The following BMPR2 variants were observed in gnomAD, a reference collection of about 807,000 sequenced individuals.
BMPR2 encodes bone morphogenetic protein receptor type 2.
Under a neutral mutation model 100.8 loss-of-function variants are expected in BMPR2, and 29 were observed. The ratio of observed to expected loss-of-function variants is 0.29; its 90% CI spans 0.21 to 0.39. The LOEUF (loss-of-function observed/expected upper bound fraction) is 0.39, where lower values mean the gene tolerates loss of function less well. BMPR2 is among the 10% of genes least tolerant of loss of function. BMPR2 has a pLI of 1.00. For synonymous variants in BMPR2, 382 were observed against 442.3 expected, an observed-to-expected ratio of 0.86 and a Z score of 1.71; for missense variants, 1,011 against 1,274.5, an observed-to-expected ratio of 0.79 and a Z score of 3.15.
At chr2:202,471,465 A>G (rs1692436145) in intron 3 of BMPR2, among the ~76,000 whole-genome samples, 1 of 152,190 alleles carries the variant, frequency 6.6e-6, no homozygotes, top group Non-Finnish European at 1.5e-5. Flanking sequence ...ATAAAAGTTA[A>G]CATTATTAAA....
At position 202,449,007 on chromosome 2, in the gene BMPR2, T is replaced by G. The variant is rs553776353; in HGVS notation, c.77-15802T>G. Among the ~76,000 whole-genome samples, 3 of 150,814 alleles carry G rather than the reference T, an allele frequency of 2.0e-5. No homozygotes were observed. The South Asian group carries it at 6.3e-4, about 32-fold the overall frequency. ...TTTTGCTTGTCTTTCTCTTTAGGTG[T>G]ACAGAAAAGAGTTAAAATAGCAGGC... On this transcript the variant is annotated intron_variant, in intron 1 of 12. Transcript: ENST00000374580.
At chr2:202,499,111 G>A (rs1297258914) in intron 3 of BMPR2, among the ~76,000 whole-genome samples, 5 of 152,076 alleles carry the variant, frequency 3.3e-5, no homozygotes, top group African/African-American at 9.7e-5. Flanking sequence ...TAGGGGGAGG[G>A]GAATTTGGCC....
Position 202,566,885 on chromosome 2 carries a change from T to C in BMPR2, c.*6939T>C, listed in dbSNP as rs1429034717. The C allele has an allele frequency of 2.0e-5, 3 of 152,210 alleles. No homozygotes were observed. Among genetic ancestry groups the C allele is most frequent in the Non-Finnish European group, 4.4e-5 (3 of 68,028 alleles). 9.4% of individuals were successfully genotyped at this position (152,210 alleles called of 1,614,324 possible). A position where few individuals can be genotyped will look rare whatever the true frequency, so the allele number is the denominator to read the frequency against. On this transcript the variant is annotated 3_prime_UTR_variant, in exon 13 of 13. Coordinates refer to ENST00000374580, the MANE Select transcript of BMPR2 (RefSeq NM_001204.7). ...CTCTTGTCTCAGGCTCTTCACCTTG[T>C]TACCAATCCTCGTAAGTATGTAAAG...
At chr2:202,464,427 C>G (rs904108995) in intron 1 of BMPR2, among the ~76,000 whole-genome samples, 1 of 152,086 alleles carries the variant, frequency 6.6e-6, no homozygotes, top group Admixed American at 6.6e-5. Context: ...AAAGTAAGTA[C>G]TATGCAATTT....
At chr2:202,453,305 C>T (rs1369934420) in intron 1 of BMPR2, among the ~76,000 whole-genome samples, 1 of 150,832 alleles carries the variant, frequency 6.6e-6, no homozygotes, top group African/African-American at 2.4e-5. Flanking sequence ...TTTAGTAATA[C>T]TAAGTATATA....
At chr2:202,401,949 T>G (rs1690775620) in intron 1 of BMPR2, among the ~76,000 whole-genome samples, 1 of 152,208 alleles carries the variant, frequency 6.6e-6, no homozygotes, top group Non-Finnish European at 1.5e-5. Context: ...GGCTCAAAAG[T>G]GCTTTTTGTA....
chr2:202,545,625 A>C (rs79189995), intron 10 of BMPR2, among the ~76,000 whole-genome samples: 1 of 152,204 alleles, frequency 6.6e-6, no homozygotes, highest in Admixed American at 6.5e-5. Context: ...TGTCAGAGAC[A>C]GGGTAGAGAC....
chr2:202,476,739 A>T lies in BMPR2; in HGVS notation c.418+9050A>T, dbSNP rs561059409. 9.1e-4 allele frequency among the ~76,000 whole-genome samples: 138 copies of T among 152,282 alleles called. 1 individual carries two copies. The highest frequency in any genetic ancestry group is 3.1e-3 in the African/African-American group (130 of 41,572). On this transcript the variant is annotated intron_variant, in intron 3 of 12. Transcript: ENST00000374580. ...GGGAGGCGGAAGTTGCAGTGAGCTG[A>T]GATTGCGCCATTGCACTCCAGCCTG...
chr2:202,505,937 G>C (rs1687512055), intron 3 of BMPR2, among the ~76,000 whole-genome samples: 1 of 152,158 alleles, frequency 6.6e-6, no homozygotes, highest in African/African-American at 2.4e-5. Flanking sequence ...GCTAATATTT[G>C]ATGTAATGCC....
At chr2:202,524,330 C>G (rs890962603) in intron 7 of BMPR2, among the ~76,000 whole-genome samples, 10 of 151,084 alleles carry the variant, frequency 6.6e-5, no homozygotes, top group Non-Finnish European at 8.8e-5. Flanking sequence ...CCACTGCACT[C>G]CAGCCTGGGC....
intron 3 of BMPR2, among the ~76,000 whole-genome samples, chr2:202,510,982 G>GTTTTTT (rs370738313): frequency 1.1e-4 from 15 of 131,996 alleles, no homozygotes; most frequent in Non-Finnish European, 8.2e-5. Context: ...CCTGGCTTTA[G>GTTTTTT]TTTTTTTTTT....
At chr2:202,477,603 T>C (rs1409375954) in intron 3 of BMPR2, among the ~76,000 whole-genome samples, 2 of 152,024 alleles carry the variant, frequency 1.3e-5, no homozygotes, top group African/African-American at 4.8e-5. Flanking sequence ...GCCTGGCCAA[T>C]ATGATGAAAC....
At chr2:202,492,232 C>A (rs1692916467) in intron 3 of BMPR2, among the ~76,000 whole-genome samples, 1 of 151,772 alleles carries the variant, frequency 6.6e-6, no homozygotes, top group Non-Finnish European at 1.5e-5. Context: ...CTTTTGGGAC[C>A]CTTGGTGTTG....
At chr2:202,453,361 CCT>C (rs1434376863) in intron 1 of BMPR2, among the ~76,000 whole-genome samples, 1 of 151,986 alleles carries the variant, frequency 6.6e-6, no homozygotes, top group Non-Finnish European at 1.5e-5. Context: ...TTTGCACTCC[CCT>C]GTTTACTTCA....
chr2:202,555,992 A>C lies in BMPR2; in HGVS notation c.2327A>C (p.Lys776Thr), dbSNP rs1389311448. Residue 776 changes from lysine (K) to threonine (T), a missense_variant, in exon 12 of 13, where the codon AAG becomes ACG. Transcript: ENST00000374580. ...TKEPRLKFGS[K>T]HKSNLKQVET... ...GAGCCCCGGCTAAAATTTGGCAGCAAGCACAAATCAAACTTGAAACAAGTC... is the reference window on the plus strand; with the variant it reads ...GAGCCCCGGCTAAAATTTGGCAGCACGCACAAATCAAACTTGAAACAAGTC... 1 of 1,614,052 alleles carries C rather than the reference A, an allele frequency of 6.2e-7. No homozygotes were observed. The highest frequency in any genetic ancestry group is 1.3e-5 in the African/African-American group (1 of 74,922).
At chr2:202,418,236 G>T (rs1691178859) in intron 1 of BMPR2, among the ~76,000 whole-genome samples, 1 of 152,096 alleles carries the variant, frequency 6.6e-6, no homozygotes, top group Admixed American at 6.6e-5. Context: ...TTCTACATGA[G>T]GAGTGAGAAC....
intron 1 of BMPR2, among the ~76,000 whole-genome samples, chr2:202,405,556 C>T (rs1233848914): frequency 6.6e-6 from 1 of 151,686 alleles, no homozygotes; most frequent in South Asian, 2.1e-4. Flanking sequence ...GGTGTGGTGG[C>T]GGGCACCCAT....
At chr2:202,403,473 C>T (rs1472542212) in intron 1 of BMPR2, among the ~76,000 whole-genome samples, 1 of 152,106 alleles carries the variant, frequency 6.6e-6, no homozygotes, top group Admixed American at 6.6e-5. Context: ...GCTGGGATTA[C>T]AGGCATGAGC....
At chr2:202,516,520 A>T (rs1687714012) in intron 5 of BMPR2, among the ~76,000 whole-genome samples, 1 of 152,184 alleles carries the variant, frequency 6.6e-6, no homozygotes, top group East Asian at 1.9e-4. Context: ...TTTGTAAAAA[A>T]TACAAAAATT....
Sources: gnomAD v4.1 joint callset for allele counts (sites outside exome capture counted in the v4.1 genomes callset) on GRCh38, gnomAD v4.1.1 for gene constraint, MANE v1.5 for transcripts, NCBI Gene and HGNC (gene_info 2026-07-23, HGNC 2026-07-21) for gene names.